The following PRR11 variants were observed in gnomAD, a reference collection of about 807,000 sequenced individuals.
The protein encoded by PRR11 is proline-rich protein 11.
PRR11 carries 30 observed loss-of-function variants against 45.6 expected under a neutral mutation model. That is an observed-to-expected ratio of 0.66 (90% CI 0.49 to 0.89). The LOEUF (loss-of-function observed/expected upper bound fraction) is 0.89, where lower values mean the gene tolerates loss of function less well. PRR11 is among the 40% of genes least tolerant of loss of function. PRR11 has a pLI of 0.00. For synonymous variants in PRR11, 128 were observed against 153.5 expected, an observed-to-expected ratio of 0.83 and a Z score of 1.23; for missense variants, 373 against 424.8, an observed-to-expected ratio of 0.88 and a Z score of 1.07.
chr17:59,162,193 A>T (rs1381855074), intron 1 of PRR11, among the ~76,000 whole-genome samples: 1 of 150,906 alleles, frequency 6.6e-6, no homozygotes, highest in Non-Finnish European at 1.5e-5. Context: ...ATTAGATAGA[A>T]GCACTAATAA....
chr17:59,198,436 A>G (rs1031667451), intron 9 of PRR11, among the ~76,000 whole-genome samples: 12 of 151,968 alleles, frequency 7.9e-5, no homozygotes, highest in African/African-American at 2.9e-4. Context: ...AGCACTTTGG[A>G]AGGCCGAGGC....
At chr17:59,156,107 TC>T (rs1447466282) in intron 1 of PRR11, among the ~76,000 whole-genome samples, 3 of 152,246 alleles carry the variant, frequency 2.0e-5, no homozygotes, top group Non-Finnish European at 4.4e-5. Context: ...ATCAGCGGCA[TC>T]CGCATCTCTT....
intron 4 of PRR11, among the ~76,000 whole-genome samples, chr17:59,188,154 AAAG>A (rs1466858566): frequency 1.2e-4 from 19 of 152,328 alleles, no homozygotes; most frequent in African/African-American, 4.6e-4. Context: ...TCCTATTACT[AAAG>A]AAGAAGGCAA....
chr17:59,190,168 G>T (rs7212995), intron 4 of PRR11, among the ~76,000 whole-genome samples: 66,812 of 151,586 alleles, frequency 0.44, 16,790 homozygotes, highest in African/African-American at 0.7. Context: ...CCAGGGAGGA[G>T]GATGATATAG....
intron 1 of PRR11, among the ~76,000 whole-genome samples, chr17:59,156,710 G>C (rs1019255324): frequency 2.0e-5 from 3 of 151,424 alleles, no homozygotes; most frequent in Non-Finnish European, 2.9e-5. Context: ...GCCTAGGCTG[G>C]AGTACAGTGG....
intron 4 of PRR11, 73 bp downstream of exon 4, chr17:59,185,635 T>C: frequency 1.6e-6 from 2 of 1,283,450 alleles, no homozygotes; most frequent in South Asian, 1.4e-5. Context: ...ACTATTGCAA[T>C]AGGGAAAATG....
chr17:59,198,732 G>A (rs2046878597), intron 9 of PRR11, among the ~76,000 whole-genome samples: 1 of 151,840 alleles, frequency 6.6e-6, no homozygotes, highest in Non-Finnish European at 1.5e-5. Context: ...GGCTACTTGG[G>A]TGGCTAAGGC....
Position 59,179,717 on chromosome 17 carries a change from A to C in PRR11, c.129-5337A>C, listed in dbSNP as rs905079258. 6 of 1,429,350 alleles carry C rather than the reference A, an allele frequency of 4.2e-6. No homozygotes were observed. In the Admixed American group the frequency reaches 8.6e-5, roughly 20 times the overall value. The allele number at this position is 1,429,350 out of a possible 1,614,324, so 88.5% of individuals were successfully genotyped here. On this transcript the variant is annotated intron_variant, in intron 2 of 9. Coordinates refer to ENST00000262293, the MANE Select transcript of PRR11 (RefSeq NM_018304.4). ...TGACACTCGCCATTGCTTCAGCTTCATCTTGAGCCCACACAGCGTCTCCGC... is the reference window on the plus strand; with the variant it reads ...TGACACTCGCCATTGCTTCAGCTTCCTCTTGAGCCCACACAGCGTCTCCGC...
intron 2 of PRR11, among the ~76,000 whole-genome samples, chr17:59,184,596 C>T (rs1463460703): frequency 6.6e-6 from 1 of 152,102 alleles, no homozygotes; most frequent in Non-Finnish European, 1.5e-5. Flanking sequence ...TATGGAAGTC[C>T]CATTGGTAGG....
At chr17:59,177,272 A>G in intron 2 of PRR11, 1 of 547,010 alleles carries the variant, frequency 1.8e-6, no homozygotes, top group South Asian at 1.4e-5. Flanking sequence ...AGAGAAAGGA[A>G]CACAGAAAGG....
chr17:59,181,720 C>G, intron 2 of PRR11: 1 of 1,556,192 alleles, frequency 6.4e-7, no homozygotes, highest in South Asian at 1.1e-5. Flanking sequence ...AAGGGACCTA[C>G]ATGGGAGGCT....
At chr17:59,200,553 C>T (rs1034449563) in intron 9 of PRR11, among the ~76,000 whole-genome samples, 16 of 152,012 alleles carry the variant, frequency 1.1e-4, no homozygotes, top group African/African-American at 2.9e-4. Context: ...AGTACAATGG[C>T]GCAATCTTGG....
intron 2 of PRR11, among the ~76,000 whole-genome samples, chr17:59,182,221 T>C (rs1338360856): frequency 6.6e-6 from 1 of 151,684 alleles, no homozygotes; most frequent in African/African-American, 2.4e-5. Flanking sequence ...AGAGATGGGG[T>C]TTCACCATGT....
At chr17:59,159,588 A>G (rs950085300) in intron 1 of PRR11, among the ~76,000 whole-genome samples, 1 of 152,328 alleles carries the variant, frequency 6.6e-6, no homozygotes, top group South Asian at 2.1e-4. Flanking sequence ...CATGACAATT[A>G]TCTGCTTAAA....
chr17:59,160,332 C>T (rs1417526969), intron 1 of PRR11, among the ~76,000 whole-genome samples: 1 of 152,150 alleles, frequency 6.6e-6, no homozygotes, highest in African/African-American at 2.4e-5. Flanking sequence ...CTCCCTGGTC[C>T]TCATCCTTAA....
At chr17:59,189,973 C>CT (rs1466617690) in intron 4 of PRR11, among the ~76,000 whole-genome samples, 6 of 150,598 alleles carry the variant, frequency 4.0e-5, no homozygotes, top group African/African-American at 1.5e-4. Flanking sequence ...GACCCTGTCT[C>CT]TAAAAAAAAA....
intron 5 of PRR11, 101 bp downstream of exon 5, chr17:59,193,835 T>C: frequency 7.3e-7 from 1 of 1,369,560 alleles, no homozygotes; most frequent in Admixed American, 2.1e-5. Context: ...TAATCAGGGC[T>C]TGGGCCAGAA....
chr17:59,183,280 C>T (rs1400220062), intron 2 of PRR11, among the ~76,000 whole-genome samples: 3 of 152,182 alleles, frequency 2.0e-5, no homozygotes, highest in Non-Finnish European at 4.4e-5. Context: ...CACTCAAAGC[C>T]TGAAGCATTT....
At chr17:59,201,228 A>G (rs1007906312) in intron 9 of PRR11, among the ~76,000 whole-genome samples, 1 of 152,154 alleles carries the variant, frequency 6.6e-6, no homozygotes, top group Non-Finnish European at 1.5e-5. Flanking sequence ...GTCCACAACT[A>G]TAATACAGTG....
Sources: allele counts gnomAD v4.1 joint callset (sites outside exome capture counted in the v4.1 genomes callset), GRCh38; gene constraint gnomAD v4.1.1; transcripts MANE v1.5; gene names NCBI Gene and HGNC (gene_info 2026-07-23, HGNC 2026-07-21).